Variants in ALDH16A1 observed in about 807,000 individuals in gnomAD.
ALDH16A1 encodes aldehyde dehydrogenase 16 family member A1, also known as aldehyde dehydrogenase family 16 member A1.
A neutral mutation model predicts 96.1 loss-of-function variants in ALDH16A1; 88 were observed. The ratio of observed to expected loss-of-function variants is 0.92; its 90% CI spans 0.77 to 1.09. ALDH16A1 has a LOEUF of 1.09. Ranked by LOEUF, ALDH16A1 falls within the 50% of genes least tolerant of loss-of-function variation. ALDH16A1 has a pLI of 0.00. For missense variants in ALDH16A1, 1,250 were observed against 1,112.6 expected, an observed-to-expected ratio of 1.12 and a Z score of -1.76; for synonymous variants, 522 against 496.4, an observed-to-expected ratio of 1.05 and a Z score of -0.69.
rs749099899 is a variant in ALDH16A1, at chr19:49,464,615, C to T, written c.1438-17C>T. 1.9e-5 allele frequency: 31 copies of T among 1,614,006 alleles called. No homozygotes were observed. Among genetic ancestry groups the T allele is most frequent in the Non-Finnish European group, 2.5e-5 (29 of 1,180,012 alleles). On this transcript the variant is annotated splice_polypyrimidine_tract_variant and intron_variant, in intron 11 of 16. Coordinates refer to ENST00000293350, the MANE Select transcript of ALDH16A1 (RefSeq NM_153329.4). ...TCGCGTGCCCCTTGCATCCTCTTGACACCGTCCCTCTCACAGGGGCTGTAT... is the reference window on the plus strand; with the variant it reads ...TCGCGTGCCCCTTGCATCCTCTTGATACCGTCCCTCTCACAGGGGCTGTAT...
intron 4 of ALDH16A1, among the ~76,000 whole-genome samples, chr19:49,460,221 C>A (rs185347642): frequency 8.9e-4 from 135 of 151,800 alleles, no homozygotes; most frequent in African/African-American, 3.2e-3. Flanking sequence ...TCCCCTCATT[C>A]TTTTTCTTTT....
Position 49,463,880 on chromosome 19 carries a change from G to A in ALDH16A1, c.1125G>A (p.Ser375=), listed in dbSNP as rs375245896. 2.5e-5 allele frequency: 40 copies of A among 1,613,358 alleles called. No individual in the cohort carries two copies. The African/African-American group carries it at 2.5e-4, about 10-fold the overall frequency. ...AQVFQAGDVP[S]ERPFYPPTLV... is the part of the protein sequence containing the mutation. Reference sequence around the variant, plus strand: ...TGTTCCAGGCTGGTGATGTGCCTTCGGAACGCCCATTCTATCCCCCAACCT... The same window carrying A: ...TGTTCCAGGCTGGTGATGTGCCTTCAGAACGCCCATTCTATCCCCCAACCT... The change falls in exon 9 of 17, where the codon TCG becomes TCA. Residue 375 remains serine, a synonymous_variant. Transcript: ENST00000293350.
intron 1 of ALDH16A1, among the ~76,000 whole-genome samples, chr19:49,454,780 C>T (rs932265409): frequency 1.3e-5 from 2 of 152,110 alleles, no homozygotes; most frequent in African/African-American, 2.4e-5. Flanking sequence ...CTCAGGAATT[C>T]GAGACCAGCC....
chr19:49,464,082 G>C, intron 9 of ALDH16A1, 45 bp from the exon 10 acceptor site: 1 of 1,592,754 alleles, frequency 6.3e-7, no homozygotes. Context: ...TCCTTCCCTG[G>C]TGGGTGGGCC....
chr19:49,462,588 A>C lies in ALDH16A1; in HGVS notation c.931A>C (p.Ile311Leu). 2 of 1,612,908 alleles carry C rather than the reference A, an allele frequency of 1.2e-6. No individual in the cohort carries two copies. The highest frequency in any genetic ancestry group is 1.7e-6 in the Non-Finnish European group (2 of 1,179,868). ...DRGPGGLRLL[I>L]QESVWDEAMR... is the part of the protein sequence containing the mutation. Reference sequence around the variant, plus strand: ...CTCACAGGGTGGCCTCAGGCTCCTCATCCAGGAGTCTGTGTGGGATGAAGC... The same window carrying C: ...CTCACAGGGTGGCCTCAGGCTCCTCCTCCAGGAGTCTGTGTGGGATGAAGC... The change falls in exon 8 of 17, where the codon ATC becomes CTC. Residue 311 changes from isoleucine to leucine, a missense_variant. Coordinates refer to ENST00000293350, the MANE Select transcript of ALDH16A1 (RefSeq NM_153329.4).
chr19:49,467,395 T>C (rs1286318795), intron 14 of ALDH16A1, among the ~76,000 whole-genome samples: 3 of 131,686 alleles, frequency 2.3e-5, no homozygotes, highest in African/African-American at 3.2e-5. Context: ...TTTCTTTCTT[T>C]CTTTTTTTTT....
chr19:49,453,399 C>T lies in ALDH16A1; in HGVS notation c.68C>T (p.Pro23Leu), dbSNP rs762437429. 6.4e-7 allele frequency: 1 copy of T among 1,557,178 alleles called. No individual in the cohort carries two copies. The highest frequency in any genetic ancestry group is 1.2e-5 in the South Asian group (1 of 85,130). ...IFTSLEYGPV[P>L]ESHACALAWL... ...ACCTCGCTGGAGTACGGACCGGTGC[C>T]GGAGAGCCACGCATGCGCACTGGTG... The change falls in exon 1 of 17, where the codon CCG becomes CTG. Residue 23 changes from proline to leucine, a missense_variant. Transcript: ENST00000293350.
At chr19:49,456,831 G>A (rs901832569) in intron 1 of ALDH16A1, among the ~76,000 whole-genome samples, 3 of 152,338 alleles carry the variant, frequency 2.0e-5, no homozygotes, top group South Asian at 2.1e-4. Context: ...GGAGAAGCCA[G>A]GCACAGTGGC....
rs996703082 is a variant in ALDH16A1, at chr19:49,466,259, G to T, written c.1914G>T (p.Val638=). ...GACTTCGGGCGTGGGGGGCCCGGGT[G>T]CAGGCCCAAGGCCACACCCTGCAGG... ...ARRLRAWGAR[V]QAQGHTLQVA... is the part of the protein sequence containing the mutation. Residue 638 remains valine (V), a synonymous_variant, in exon 14 of 17, where the codon GTG becomes GTT. Coordinates refer to ENST00000293350, the MANE Select transcript of ALDH16A1 (RefSeq NM_153329.4). 6 of 1,472,246 alleles carry T rather than the reference G, an allele frequency of 4.1e-6. No homozygotes were observed. The highest frequency in any genetic ancestry group is 5.4e-6 in the Non-Finnish European group (6 of 1,111,644). 91.2% of individuals were successfully genotyped at this position (1,472,246 alleles called of 1,614,324 possible).
At chr19:49,465,094 G>C (rs987202654) in intron 12 of ALDH16A1, among the ~76,000 whole-genome samples, 1 of 150,382 alleles carries the variant, frequency 6.6e-6, no homozygotes, top group Non-Finnish European at 1.5e-5. Context: ...CAGAAACTTG[G>C]GGTCCTCCAG....
rs925128429 is a variant in ALDH16A1, at chr19:49,459,466, G to A, written c.321-204G>A. On this transcript the variant is annotated intron_variant, in intron 3 of 16. Coordinates refer to ENST00000293350, the MANE Select transcript of ALDH16A1 (RefSeq NM_153329.4). This position sits in a 1 kb window ranked among gnomAD's most constrained non-coding sequence, Gnocchi z 4.1. ...CCCAAAAGCTTCAGGGATTTCCGGC[G>A]GCCAAGACCTTTACACAGCATCCTC... is the stretch of plus-strand genomic sequence containing the variant. Among the ~76,000 whole-genome samples the A allele has an allele frequency of 6.6e-6, 1 of 152,106 alleles. No individual in the cohort carries two copies. Among genetic ancestry groups the A allele is most frequent in the Non-Finnish European group, 1.5e-5 (1 of 68,038 alleles).
At position 49,470,651 on chromosome 19, in the gene ALDH16A1, T is replaced by TTTC. The variant is rs200660644; in HGVS notation, c.*186_*187insCTT. 1,000 of 432,906 alleles carry TTTC rather than the reference T, an allele frequency of 2.3e-3. 1 individual carries two copies. Among genetic ancestry groups the TTTC allele is most frequent in the Middle Eastern group, 8.1e-3 (12 of 1,478 alleles). The allele number at this position is 432,906 out of a possible 1,614,324, so 26.8% of individuals were successfully genotyped here. On this transcript the variant is annotated 3_prime_UTR_variant, in exon 17 of 17. Transcript: ENST00000293350. ...CTGGCAGATATGAGGCTTTTTTCTTTTTTTTTTTTTTTTTTGAGACAACGT... is the reference window on the plus strand; with the variant it reads ...CTGGCAGATATGAGGCTTTTTTCTTTTTCTTTTTTTTTTTTTTTGAGACAACGT...
intron 4 of ALDH16A1, among the ~76,000 whole-genome samples, 164 bp from the exon 5 acceptor site, chr19:49,460,658 C>T (rs1419505517): frequency 6.6e-6 from 1 of 152,004 alleles, no homozygotes; most frequent in Non-Finnish European, 1.5e-5. Context: ...AGGTGATCCG[C>T]CCACCTCGAC....
In ALDH16A1 at chr19:49,468,459, C is replaced by T. The variant is rs1373106287; in HGVS notation, c.2017C>T (p.Pro673Ser). The change falls in exon 15 of 17, where the codon CCC becomes TCC. Residue 673 changes from proline to serine, a missense_variant. By Grantham distance (74) the Pro-to-Ser change is moderately conservative (BLOSUM62 -1). Coordinates refer to ENST00000293350, the MANE Select transcript of ALDH16A1 (RefSeq NM_153329.4). The surrounding 1 kb of genome is among the most constrained non-coding windows in gnomAD (Gnocchi z 4.4). ...VLAVVCPDEW[P>S]LLAFVSLLAP... is the part of the protein sequence containing the mutation. ...GGCTGTGGTGTGTCCGGACGAGTGG[C>T]CCCTGCTTGCCTTCGTGTCCCTGCT... is the stretch of plus-strand genomic sequence containing the variant. 1 of 1,602,154 alleles carries T rather than the reference C, an allele frequency of 6.2e-7. No homozygotes were observed. The highest frequency in any genetic ancestry group is 2.2e-5 in the East Asian group (1 of 44,856).
At position 49,462,046 on chromosome 19, in the gene ALDH16A1, G is replaced by C. The variant is rs773900309; in HGVS notation, c.912+10G>C. The C allele has an allele frequency of 6.5e-7, 1 of 1,536,852 alleles. No individual in the cohort carries two copies. The highest frequency in any genetic ancestry group is 1.4e-5 in the African/African-American group (1 of 72,736). ...GTCCGACCGCGGCCCGGTGAGACCCGTGCGCTCCCGTCTCCTCATACCCTG... is the reference window on the plus strand; with the variant it reads ...GTCCGACCGCGGCCCGGTGAGACCCCTGCGCTCCCGTCTCCTCATACCCTG... On this transcript the variant is annotated intron_variant, in intron 7 of 16. Transcript: ENST00000293350.
intron 1 of ALDH16A1, among the ~76,000 whole-genome samples, chr19:49,458,190 G>A (rs2079116351): frequency 1.3e-5 from 2 of 150,618 alleles, no homozygotes; most frequent in African/African-American, 4.9e-5. Context: ...CTGCACTCCA[G>A]CCTGGGTGAC....
chr19:49,454,020 G>GTTTTTTTTTT (rs3032838), intron 1 of ALDH16A1, among the ~76,000 whole-genome samples: 30 of 68,244 alleles, frequency 4.4e-4, no homozygotes, highest in African/African-American at 1.4e-3. Context: ...TTTGGGTTGG[G>GTTTTTTTTTT]TTTTTTTTTT....
intron 4 of ALDH16A1, 104 bp from the exon 5 acceptor site, chr19:49,460,718 T>TA: frequency 1.0e-6 from 1 of 967,734 alleles, no homozygotes; most frequent in Non-Finnish European, 1.5e-6. Context: ...CCGGCCATTT[T>TA]TTTTTTTTTT....
At chr19:49,465,982 G>A in intron 13 of ALDH16A1, 77 bp downstream of exon 13, 1 of 1,551,788 alleles carries the variant, frequency 6.4e-7, no homozygotes, top group Non-Finnish European at 8.7e-7. Context: ...TTGGTGGACT[G>A]GGAGGCTGGG....
Sources: allele counts gnomAD v4.1 joint callset (sites outside exome capture counted in the v4.1 genomes callset), GRCh38; gene constraint gnomAD v4.1.1; non-coding constraint Gnocchi (gnomAD v3.1); transcripts MANE v1.5; gene names NCBI Gene and HGNC (gene_info 2026-07-23, HGNC 2026-07-21).